Variants in ESRRG observed in about 807,000 individuals in gnomAD.
ESRRG encodes the protein estrogen related receptor gamma, also known as estrogen-related receptor gamma.
ESRRG carries 13 observed loss-of-function variants against 44.0 expected under a neutral mutation model. The ratio of observed to expected loss-of-function variants is 0.30; its 90% CI spans 0.19 to 0.47. The LOEUF is 0.47. ESRRG is among the 20% of genes least tolerant of loss of function. The probability of loss-of-function intolerance (pLI) is 1.00; values close to 1 mark genes in which losing one functional copy is unlikely to be tolerated. For missense variants in ESRRG, 395 were observed against 580.6 expected (o/e 0.68, Z 3.29); for synonymous variants, 215 against 214.6 (o/e 1.00, Z -0.02).
chr1:216,584,299 C>T (rs2063353212), intron 3 of ESRRG, among the ~76,000 whole-genome samples: 2 of 151,376 alleles, frequency 1.3e-5, no homozygotes, highest in South Asian at 4.2e-4. Context: ...TTCTGTTGCC[C>T]AGGCTGGAGT....
In ESRRG at chr1:216,757,676, T is replaced by C. The variant is rs535608021; in HGVS notation, c.-13-80185A>G. On this transcript the variant is annotated intron_variant, in intron 2 of 7. Transcript: ENST00000359162. ...AGCTTGAAGTAGTAAATTTACAATC[T>C]AACAACCTTTCTATCTCAGGTATTA... Among the ~76,000 whole-genome samples, 29 of 152,108 alleles carry C rather than the reference T, an allele frequency of 1.9e-4. No homozygotes were observed. In the Middle Eastern group the frequency reaches 0.01, roughly 54 times the overall value.
At chr1:216,885,221 A>G (rs902761913) in intron 2 of ESRRG, among the ~76,000 whole-genome samples, 1 of 152,234 alleles carries the variant, frequency 6.6e-6, no homozygotes, top group Admixed American at 6.5e-5. Flanking sequence ...TTCATTTAAC[A>G]TATTCATTTA....
intron 1 of ESRRG, among the ~76,000 whole-genome samples, chr1:217,045,277 C>A (rs759375086): frequency 6.6e-6 from 1 of 152,118 alleles, no homozygotes; most frequent in Non-Finnish European, 1.5e-5. Context: ...TTAACCCTTG[C>A]GGGATTGTAA....
intron 3 of ESRRG, among the ~76,000 whole-genome samples, chr1:216,633,944 G>A (rs1316749309): frequency 6.6e-6 from 1 of 152,130 alleles, no homozygotes; most frequent in African/African-American, 2.4e-5. Flanking sequence ...TAACAATTTG[G>A]TAAAGATTAT....
At chr1:216,885,675 T>A (rs2096505873) in intron 2 of ESRRG, among the ~76,000 whole-genome samples, 1 of 152,182 alleles carries the variant, frequency 6.6e-6, no homozygotes. Flanking sequence ...GGATTTTCCT[T>A]AAAAATATTC....
intron 5 of ESRRG, among the ~76,000 whole-genome samples, chr1:216,521,121 A>G (rs1260916795): frequency 6.6e-6 from 1 of 152,178 alleles, no homozygotes; most frequent in East Asian, 1.9e-4. Flanking sequence ...GTTATTTGAC[A>G]GGATTTCTTT....
intron 2 of ESRRG, among the ~76,000 whole-genome samples, chr1:216,775,967 A>C (rs1206449347): frequency 6.6e-6 from 1 of 151,956 alleles, no homozygotes; most frequent in Non-Finnish European, 1.5e-5. Context: ...CACCATTGCA[A>C]AAGGCTTCCT....
At chr1:216,755,519 A>G (rs2092388821) in intron 2 of ESRRG, among the ~76,000 whole-genome samples, 1 of 152,106 alleles carries the variant, frequency 6.6e-6, no homozygotes, top group Non-Finnish European at 1.5e-5. Flanking sequence ...TATATTCAAT[A>G]GCATATTATA....
chr1:216,839,801 A>T (rs1221997911), intron 2 of ESRRG, among the ~76,000 whole-genome samples: 1 of 152,158 alleles, frequency 6.6e-6, no homozygotes. Flanking sequence ...GTCAATGAGC[A>T]GTAATGTTTT....
intron 2 of ESRRG, among the ~76,000 whole-genome samples, chr1:216,806,040 T>A (rs1035469990): frequency 3.3e-5 from 5 of 152,182 alleles, no homozygotes; most frequent in Non-Finnish European, 7.3e-5. Context: ...TGAAAGCCAG[T>A]ATATAAAGCA....
chr1:216,964,924 T>C (rs769114083), intron 1 of ESRRG, among the ~76,000 whole-genome samples: 1 of 152,088 alleles, frequency 6.6e-6, no homozygotes, highest in Non-Finnish European at 1.5e-5. Context: ...TACAGAAAAA[T>C]ACATTTCATA....
chr1:217,086,454 C>A (rs1383788257), intron 1 of ESRRG, among the ~76,000 whole-genome samples: 3 of 152,134 alleles, frequency 2.0e-5, no homozygotes, highest in African/African-American at 4.8e-5. Flanking sequence ...CTCGCACTAA[C>A]AACAAACAAC....
intron 1 of ESRRG, among the ~76,000 whole-genome samples, chr1:216,992,146 A>G (rs551650485): frequency 6.6e-6 from 1 of 152,206 alleles, no homozygotes; most frequent in Non-Finnish European, 1.5e-5. Flanking sequence ...CTTCACCTTG[A>G]TCACACATCC....
chr1:216,991,945 A>G (rs17041540), intron 1 of ESRRG, among the ~76,000 whole-genome samples: 25,620 of 152,158 alleles, frequency 0.17, 2,876 homozygotes, highest in Admixed American at 0.29. Flanking sequence ...ACTTCATTCC[A>G]TCTTGGGATA....
intron 3 of ESRRG, among the ~76,000 whole-genome samples, chr1:216,580,314 G>A (rs17042940): frequency 0.048 from 7,276 of 152,064 alleles, 568 homozygotes; most frequent in African/African-American, 0.16. Flanking sequence ...CTTGTTTGGC[G>A]TGTTTTCTTA....
At chr1:216,804,476 A>ATT (rs35896189) in intron 2 of ESRRG, among the ~76,000 whole-genome samples, 9 of 151,814 alleles carry the variant, frequency 5.9e-5, no homozygotes, top group African/African-American at 2.2e-4. Flanking sequence ...ACTTTTTAAA[A>ATT]TTTTTTTTCA....
chr1:216,609,617 A>C (rs2060360781), intron 3 of ESRRG, among the ~76,000 whole-genome samples: 1 of 152,254 alleles, frequency 6.6e-6, no homozygotes. Context: ...TAACTACTTA[A>C]GTCAGATTCA....
chr1:216,720,042 C>T (rs2085869134), intron 1 of ESRRG, among the ~76,000 whole-genome samples: 1 of 152,046 alleles, frequency 6.6e-6, no homozygotes, highest in Non-Finnish European at 1.5e-5. Context: ...CATTTATCCA[C>T]CACTCCCATT....
At chr1:217,089,843 C>A (rs185592305), upstream of ESRRG, among the ~76,000 whole-genome samples, 51 of 152,246 alleles carry the variant, frequency 3.3e-4, no homozygotes, top group Admixed American at 2.9e-3. Flanking sequence ...CGCCAAGGCG[C>A]CTCCCTTTTC....
Sources: gnomAD v4.1 joint callset for allele counts (sites outside exome capture counted in the v4.1 genomes callset) on GRCh38, gnomAD v4.1.1 for gene constraint, MANE v1.5 for transcripts, NCBI Gene and HGNC (gene_info 2026-07-23, HGNC 2026-07-21) for gene names.